The following ACAD10 variants were observed in gnomAD, a reference collection of about 807,000 sequenced individuals.
ACAD10 encodes ACAD-10.
ACAD10 carries 112 observed loss-of-function variants against 116.8 expected under a neutral mutation model. The ratio of observed to expected loss-of-function variants is 0.96; its 90% CI spans 0.82 to 1.12. The LOEUF (loss-of-function observed/expected upper bound fraction) is 1.12. ACAD10 is among the 50% of genes most tolerant of loss of function. The pLI is 0.00. For missense variants in ACAD10, 1,259 were observed against 1,350.2 expected (o/e 0.93, Z 1.06); for synonymous variants, 486 against 510.6 (o/e 0.95, Z 0.65).
rs1379467178 is a variant in ACAD10 at position 111,753,920 on chromosome 12, G to C, written c.2961+5G>C. On this transcript the variant is annotated splice_donor_5th_base_variant and intron_variant, in intron 19 of 20. Coordinates refer to ENST00000313698, the MANE Select transcript of ACAD10 (RefSeq NM_025247.6). The stretch of plus-strand genomic sequence containing the variant: ...ATGGACCTGGCAGGAAACAAGGTAG[G>C]GGCAGGGGCACGAGGGGGCCTCCCA... The C allele has an allele frequency of 2.5e-6, 4 of 1,597,710 alleles. No homozygotes were observed. In the Admixed American group the frequency reaches 5.1e-5, roughly 20 times the overall value.
intron 18 of ACAD10, chr12:111,753,261 TA>T: frequency 3.3e-6 from 1 of 305,976 alleles, no homozygotes; most frequent in Non-Finnish European, 6.5e-6. Context: ...CCCTTGCAGA[TA>T]AGGCCACCCA....
chr12:111,723,795 C>A (rs974576786), intron 8 of ACAD10, among the ~76,000 whole-genome samples: 139 of 145,478 alleles, frequency 9.6e-4, no homozygotes, highest in Non-Finnish European at 1.2e-3. Flanking sequence ...TCAGATGGGG[C>A]GGCTGCCGGG....
At chr12:111,706,098 A>G (rs1056113860) in intron 4 of ACAD10, among the ~76,000 whole-genome samples, 166 bp downstream of exon 4, 1 of 152,188 alleles carries the variant, frequency 6.6e-6, no homozygotes, top group African/African-American at 2.4e-5. Context: ...ACCCTTTAAG[A>G]TATCACTGTG....
At chr12:111,692,644 C>G (rs1888084181) in intron 1 of ACAD10, 53 bp from the exon 2 acceptor site, 1 of 1,554,914 alleles carries the variant, frequency 6.4e-7, no homozygotes, top group African/African-American at 1.4e-5. Context: ...GGATGGAGGC[C>G]TGGTTGGGAG....
rs374895437 is a variant in ACAD10 at position 111,723,684 on chromosome 12, ACCC to A, written c.1061+1954_1061+1956del. ...CCCTCCCGGACGGGGCGGGGGGCTG[ACCC>A]CCCCCCCCACCTCCCTCCCGGACGG... On this transcript the variant is annotated intron_variant, in intron 8 of 20. Transcript: ENST00000313698. Among the ~76,000 whole-genome samples, 11 of 84,226 alleles carry A rather than the reference ACCC, an allele frequency of 1.3e-4. No homozygotes were observed. In the East Asian group the frequency reaches 1.3e-3, roughly 10 times the overall value. 55.3% of individuals were successfully genotyped at this position (84,226 alleles called of 152,430 possible). A position where few individuals can be genotyped will look rare whatever the true frequency, so the allele number is the denominator to read the frequency against.
intron 3 of ACAD10, among the ~76,000 whole-genome samples, chr12:111,702,518 T>C (rs1888376691): frequency 6.6e-6 from 1 of 151,936 alleles, no homozygotes; most frequent in Admixed American, 6.6e-5. Flanking sequence ...TCACCTGAGG[T>C]CAGGAGTTCG....
chr12:111,716,085 G>A, intron 7 of ACAD10, 123 bp downstream of exon 7: 1 of 1,392,460 alleles, frequency 7.2e-7, no homozygotes, highest in South Asian at 1.3e-5. Context: ...ACAATTATGG[G>A]CCAGGCTTGG....
At chr12:111,705,581 T>C (rs978394744) in intron 3 of ACAD10, among the ~76,000 whole-genome samples, 157 bp from the exon 4 acceptor site, 5 of 152,164 alleles carry the variant, frequency 3.3e-5, no homozygotes, top group African/African-American at 1.2e-4. Flanking sequence ...GCACAGGGGC[T>C]GAGGAACACA....
At position 111,729,907 on chromosome 12, in the gene ACAD10, C is replaced by T. The variant is rs1465791323; in HGVS notation, c.1345C>T (p.Leu449Phe). 11 of 1,614,064 alleles carry T rather than the reference C, an allele frequency of 6.8e-6. No individual in the cohort carries two copies. Among genetic ancestry groups the T allele is most frequent in the Non-Finnish European group, 9.3e-6 (11 of 1,180,050 alleles). Reference sequence around the variant, plus strand: ...GGAGAGGCTGATCGAATGGCTGCCCCTCCATCTTCCCCGTCAGCAGAGGAC... The same window carrying T: ...GGAGAGGCTGATCGAATGGCTGCCCTTCCATCTTCCCCGTCAGCAGAGGAC... Reference protein sequence around the residue: ...AMERLIEWLPLHLPRQQRTTV... With the variant: ...AMERLIEWLPFHLPRQQRTTV... Residue 449 changes from leucine to phenylalanine, a missense_variant, in exon 10 of 21, where the codon CTC becomes TTC. Physicochemically the swap from Leu to Phe is conservative, Grantham distance 22. Coordinates refer to ENST00000313698, the MANE Select transcript of ACAD10 (RefSeq NM_025247.6).
chr12:111,750,258 AT>A (rs1349572571), intron 18 of ACAD10, among the ~76,000 whole-genome samples: 1 of 151,196 alleles, frequency 6.6e-6, no homozygotes, highest in Admixed American at 6.6e-5. Flanking sequence ...TGCCTGGCTA[AT>A]TTTTTGTATT....
intron 5 of ACAD10, chr12:111,710,075 C>A: frequency 3.1e-6 from 1 of 317,528 alleles, no homozygotes; most frequent in Non-Finnish European, 6.1e-6. Context: ...GGTCTCATGC[C>A]AACTTTTTTC....
chr12:111,710,493 T>C lies in ACAD10; in HGVS notation c.690+809T>C, dbSNP rs867710271. The C allele has an allele frequency of 2.0e-5, 5 of 249,774 alleles. No individual in the cohort carries two copies. The Middle Eastern group carries it at 1.3e-3, about 66-fold the overall frequency. 15.5% of individuals were successfully genotyped at this position (249,774 alleles called of 1,614,324 possible). Reference sequence around the variant, plus strand: ...TTCTTCTTGGCACAAGAGGGTATTGTGAAATTTTTTTTTTTTTTTGAAACA... The same window carrying C: ...TTCTTCTTGGCACAAGAGGGTATTGCGAAATTTTTTTTTTTTTTTGAAACA... On this transcript the variant is annotated intron_variant, in intron 5 of 20. Coordinates refer to ENST00000313698, the MANE Select transcript of ACAD10 (RefSeq NM_025247.6).
intron 6 of ACAD10, among the ~76,000 whole-genome samples, chr12:111,713,990 TC>T (rs1454365649): frequency 6.8e-6 from 1 of 147,506 alleles, no homozygotes; most frequent in Non-Finnish European, 1.5e-5. Context: ...ACCCCTGTAA[TC>T]CCCAGTACTT....
At chr12:111,753,528 A>C (rs1427773951) in intron 18 of ACAD10, 1 of 696,770 alleles carries the variant, frequency 1.4e-6, no homozygotes, top group South Asian at 1.5e-5. Flanking sequence ...AATTTGTTAC[A>C]GGCACCCTGT....
chr12:111,713,092 C>T (rs966612714), intron 6 of ACAD10, among the ~76,000 whole-genome samples: 3 of 150,972 alleles, frequency 2.0e-5, no homozygotes, highest in African/African-American at 4.9e-5. Flanking sequence ...GCAGGTGGAT[C>T]GCGAGGTCAG....
rs1366924252 is a variant in ACAD10, at chr12:111,720,210, A to G, written c.993-1461A>G. Among the ~76,000 whole-genome samples, 4 of 152,194 alleles carry G rather than the reference A, an allele frequency of 2.6e-5. No individual in the cohort carries two copies. In the East Asian group the frequency reaches 7.7e-4, roughly 29 times the overall value. ...TTTTTTGAGATTTATTTTATGGACCAGCACATGACTTATCTTGGCGAACAT... is the reference window on the plus strand; with the variant it reads ...TTTTTTGAGATTTATTTTATGGACCGGCACATGACTTATCTTGGCGAACAT... On this transcript the variant is annotated intron_variant, in intron 7 of 20. Coordinates refer to ENST00000313698, the MANE Select transcript of ACAD10 (RefSeq NM_025247.6).
At chr12:111,688,984 A>G (rs1467057216) in intron 1 of ACAD10, among the ~76,000 whole-genome samples, 1 of 152,070 alleles carries the variant, frequency 6.6e-6, no homozygotes, top group Non-Finnish European at 1.5e-5. Flanking sequence ...TGAGGTCAAG[A>G]GATCGAGACC....
At chr12:111,748,713 G>T in intron 17 of ACAD10, 2 of 595,638 alleles carry the variant, frequency 3.4e-6, no homozygotes, top group Admixed American at 6.1e-5. Context: ...GTAATCAGGA[G>T]TCTGTGACAC....
intron 2 of ACAD10, among the ~76,000 whole-genome samples, chr12:111,700,748 C>CTTTT (rs750378233): frequency 4.6e-4 from 41 of 89,858 alleles, no homozygotes; most frequent in African/African-American, 5.8e-4. Flanking sequence ...CCTTCCTCTT[C>CTTTT]TTTTTTTTTT....
Sources: allele counts gnomAD v4.1 joint callset (sites outside exome capture counted in the v4.1 genomes callset), GRCh38; gene constraint gnomAD v4.1.1; transcripts MANE v1.5; gene names NCBI Gene and HGNC (gene_info 2026-07-23, HGNC 2026-07-21).